ARB2A: variants seen among roughly 807,000 people sequenced by gnomAD.
ARB2A encodes the protein ARB2 cotranscriptional regulator A, also known as cotranscriptional regulator ARB2A.
chr5:93,865,300 C>T, the ARB2A span: 6 of 601,228 alleles, frequency 1.0e-5, no homozygotes, highest in Non-Finnish European at 1.0e-5. Context: ...CCAGAACGGT[C>T]TCGATCTCCT....
At chr5:93,671,494 C>T in the ARB2A span, among the ~76,000 whole-genome samples, 1 of 151,888 alleles carries the variant, frequency 6.6e-6, no homozygotes, top group Admixed American at 6.6e-5. Context: ...CCTTAAAAAA[C>T]CCTTAGGTAT....
chr5:94,104,046 T>C, the ARB2A span, among the ~76,000 whole-genome samples: 1 of 149,270 alleles, frequency 6.7e-6, no homozygotes, highest in African/African-American at 2.5e-5. Flanking sequence ...AACACCTACA[T>C]CAAGTAGTTA....
chr5:94,059,827 A>G, the ARB2A span, among the ~76,000 whole-genome samples: 1 of 151,754 alleles, frequency 6.6e-6, no homozygotes, highest in African/African-American at 2.4e-5. Context: ...ATTTTTTTTC[A>G]GACACAAAAA....
chr5:93,705,026 CA>C, the ARB2A span, among the ~76,000 whole-genome samples: 2 of 152,050 alleles, frequency 1.3e-5, no homozygotes. Context: ...ACTGTAGGTA[CA>C]TAGTATAAAG....
chr5:94,063,528 C>T, the ARB2A span, among the ~76,000 whole-genome samples: 1 of 152,142 alleles, frequency 6.6e-6, no homozygotes, highest in African/African-American at 2.4e-5. Context: ...ACTATAGGCA[C>T]ACAAGTAAGC....
the ARB2A span, among the ~76,000 whole-genome samples, chr5:94,101,433 AC>A: frequency 6.6e-6 from 1 of 152,154 alleles, no homozygotes; most frequent in Non-Finnish European, 1.5e-5. Context: ...ACGCTGCAAT[AC>A]CATCACCGGG....
chr5:93,713,663 CA>C, the ARB2A span, among the ~76,000 whole-genome samples: 80 of 152,146 alleles, frequency 5.3e-4, no homozygotes, highest in Non-Finnish European at 1.0e-3. Flanking sequence ...ATAGAGCTAC[CA>C]TATGATCTAG....
At chr5:94,066,349 A>T in the ARB2A span, among the ~76,000 whole-genome samples, 2 of 68,314 alleles carry the variant, frequency 2.9e-5, no homozygotes, top group South Asian at 1.6e-3. Context: ...TATGAAATAC[A>T]GATAAAAAAA....
the ARB2A span, among the ~76,000 whole-genome samples, chr5:93,702,101 A>G: frequency 8.5e-5 from 13 of 152,188 alleles, no homozygotes; most frequent in Non-Finnish European, 5.9e-5. Flanking sequence ...CCCCAAATGT[A>G]AAAATGGAAT....
chr5:93,881,394 A>C, the ARB2A span: 11 of 1,117,172 alleles, frequency 9.8e-6, no homozygotes, highest in Non-Finnish European at 1.4e-5. Flanking sequence ...TCTTGAAGAA[A>C]AACAAAACAA....
At chr5:93,826,312 A>G in the ARB2A span, among the ~76,000 whole-genome samples, 1 of 152,210 alleles carries the variant, frequency 6.6e-6, no homozygotes, top group Non-Finnish European at 1.5e-5. Context: ...CAATGCACAC[A>G]ATCACATTTT....
chr5:93,681,228 G>T, the ARB2A span, among the ~76,000 whole-genome samples: 1 of 152,090 alleles, frequency 6.6e-6, no homozygotes, highest in Non-Finnish European at 1.5e-5. Flanking sequence ...CCAGACTGTT[G>T]TAATATTCTA....
At chr5:93,941,747 C>T in the ARB2A span, among the ~76,000 whole-genome samples, 1 of 152,118 alleles carries the variant, frequency 6.6e-6, no homozygotes, top group Non-Finnish European at 1.5e-5. Flanking sequence ...TTAGTGAAAA[C>T]AGCTAGGTTA....
At chr5:93,689,275 T>G in the ARB2A span, among the ~76,000 whole-genome samples, 1 of 152,150 alleles carries the variant, frequency 6.6e-6, no homozygotes, top group South Asian at 2.1e-4. Context: ...AACTTACATT[T>G]TTTGGGCCTT....
chr5:93,664,825 T>C, the ARB2A span, among the ~76,000 whole-genome samples: 5 of 152,024 alleles, frequency 3.3e-5, no homozygotes, highest in Admixed American at 2.0e-4. Flanking sequence ...GATTTATTAA[T>C]GCATTTCTTT....
chr5:93,686,492 C>T, the ARB2A span, among the ~76,000 whole-genome samples: 3 of 152,260 alleles, frequency 2.0e-5, no homozygotes, highest in African/African-American at 7.2e-5. Flanking sequence ...TCTTTTTAAC[C>T]ATCTTACTAA....
chr5:93,736,200 A>C, the ARB2A span: 12 of 152,082 alleles, frequency 7.9e-5, no homozygotes, highest in Admixed American at 2.0e-4. Flanking sequence ...TATATTCTTG[A>C]GTAAATAAAC....
the ARB2A span, among the ~76,000 whole-genome samples, chr5:93,845,982 T>C: frequency 7.3e-6 from 1 of 137,484 alleles, no homozygotes; most frequent in Admixed American, 8.0e-5. Context: ...AGAACATATT[T>C]TCTCTCTCTC....
At chr5:93,795,711 A>G in the ARB2A span, among the ~76,000 whole-genome samples, 1 of 152,202 alleles carries the variant, frequency 6.6e-6, no homozygotes, top group Non-Finnish European at 1.5e-5. Context: ...TAAGAGATCA[A>G]GTAGGTTTTT....
Sources: gnomAD v4.1 joint callset for allele counts (sites outside exome capture counted in the v4.1 genomes callset) on GRCh38, gnomAD v4.1.1 for gene constraint, MANE v1.5 for transcripts, NCBI Gene and HGNC (gene_info 2026-07-23, HGNC 2026-07-21) for gene names.